Variants in ENPP2 observed in about 807,000 individuals in gnomAD.
ENPP2 encodes the protein ectonucleotide pyrophosphatase/phosphodiesterase 2.
ENPP2 carries 51 observed loss-of-function variants against 120.2 expected under a neutral mutation model. The ratio of observed to expected loss-of-function variants is 0.42; its 90% CI spans 0.34 to 0.54. The LOEUF (loss-of-function observed/expected upper bound fraction) is 0.54. Among genes scored for constraint, ENPP2 ranks in the 20% least tolerant of loss-of-function variants. ENPP2 has a pLI of 0.04. For synonymous variants in ENPP2, 365 were observed against 366.4 expected, an observed-to-expected ratio of 1.00 and a Z score of 0.04; for missense variants, 920 against 1,066.5, an observed-to-expected ratio of 0.86 and a Z score of 1.91.
chr8:119,642,092 A>G (rs1817301731), upstream of ENPP2, among the ~76,000 whole-genome samples: 1 of 152,152 alleles, frequency 6.6e-6, no homozygotes, highest in Non-Finnish European at 1.5e-5. Flanking sequence ...TCTATTTATA[A>G]CTGGATGATG....
At chr8:119,623,636 GT>G (rs1183382410) in intron 3 of ENPP2, among the ~76,000 whole-genome samples, 1 of 151,560 alleles carries the variant, frequency 6.6e-6, no homozygotes, top group Non-Finnish European at 1.5e-5. Flanking sequence ...GTTTTGTTTT[GT>G]TTTTTTGAGA....
At chr8:119,626,820 T>A in intron 2 of ENPP2, 100 bp from the exon 3 acceptor site, 4 of 1,088,846 alleles carry the variant, frequency 3.7e-6, no homozygotes, top group Non-Finnish European at 5.5e-6. Context: ...TGCAGTGGAC[T>A]CTGGAGGAGA....
intron 16 of ENPP2, 46 bp from the exon 17 acceptor site, chr8:119,583,850 A>T (rs772710238): frequency 7.1e-7 from 1 of 1,414,462 alleles, no homozygotes; most frequent in South Asian, 1.2e-5. Flanking sequence ...ATTGTTAGGT[A>T]GGAACCCTTC....
chr8:119,611,387 A>C (rs543108146), intron 8 of ENPP2, among the ~76,000 whole-genome samples: 1 of 152,284 alleles, frequency 6.6e-6, no homozygotes, highest in South Asian at 2.1e-4. Flanking sequence ...TCAATCGCTG[A>C]GAATCAGAAC....
At chr8:119,563,686 CTTAAT>C (rs1814157982) in intron 23 of ENPP2, among the ~76,000 whole-genome samples, 1 of 152,034 alleles carries the variant, frequency 6.6e-6, no homozygotes, top group African/African-American at 2.4e-5. Context: ...TTTCTATTAT[CTTAAT>C]TTTATTCATT....
At chr8:119,662,016 G>A (rs1231818695) in intron 1 of ENPP2, among the ~76,000 whole-genome samples, 4 of 152,058 alleles carry the variant, frequency 2.6e-5, no homozygotes, top group African/African-American at 4.8e-5. Flanking sequence ...AGAGCCTAGG[G>A]GTGGGAGAAA....
intron 5 of ENPP2, among the ~76,000 whole-genome samples, chr8:119,618,929 A>G (rs1305682385): frequency 3.3e-5 from 5 of 152,072 alleles, no homozygotes; most frequent in African/African-American, 4.8e-5. Flanking sequence ...TCCAGGAAAA[A>G]CAATACTGAA....
At position 119,585,927 on chromosome 8, in the gene ENPP2, GACACACAC is replaced by G. The variant is rs34249912; in HGVS notation, c.1367+251_1367+258del. 9.3e-3 allele frequency among the ~76,000 whole-genome samples: 1,355 copies of G among 146,322 alleles called. 19 individuals are homozygous for G. The highest frequency in any genetic ancestry group is 0.031 in the African/African-American group (1,260 of 40,098). On this transcript the variant is annotated intron_variant, in intron 15 of 24. Transcript: ENST00000075322. ...GAATGTAAATTCAAAGGATGAAAGAGACACACACACACACACACACACACACACACACA... is the reference window on the plus strand; with the variant it reads ...GAATGTAAATTCAAAGGATGAAAGAGACACACACACACACACACACACACA...
chr8:119,658,278 G>C (rs1370991292), intron 1 of ENPP2, among the ~76,000 whole-genome samples: 1 of 152,150 alleles, frequency 6.6e-6, no homozygotes, highest in African/African-American at 2.4e-5. Context: ...TTCTGTTTTT[G>C]TTGTTCTTTT....
chr8:119,630,003 G>A (rs191154327), intron 2 of ENPP2, among the ~76,000 whole-genome samples: 13 of 152,248 alleles, frequency 8.5e-5, no homozygotes, highest in Admixed American at 7.9e-4. Context: ...ACTTCAAAGA[G>A]ATCTAAAGGC....
intron 2 of ENPP2, among the ~76,000 whole-genome samples, chr8:119,631,573 T>A (rs1018792890): frequency 6.6e-6 from 1 of 151,982 alleles, no homozygotes; most frequent in African/African-American, 2.4e-5. Flanking sequence ...TGCCACACAC[T>A]CCTGTGTGCA....
At chr8:119,634,588 T>A (rs1457207114) in intron 2 of ENPP2, among the ~76,000 whole-genome samples, 1 of 152,210 alleles carries the variant, frequency 6.6e-6, no homozygotes, top group African/African-American at 2.4e-5. Context: ...TTATCCCCAT[T>A]TTCCTGGTTG....
At chr8:119,601,571 A>T (rs1814311318) in intron 9 of ENPP2, 109 bp from the exon 10 acceptor site, 4 of 730,910 alleles carry the variant, frequency 5.5e-6, no homozygotes, top group Non-Finnish European at 9.6e-6. Flanking sequence ...ATTTACCACC[A>T]TCTGTTTTCA....
At chr8:119,612,209 G>C (rs1417317507) in intron 8 of ENPP2, among the ~76,000 whole-genome samples, 1 of 152,132 alleles carries the variant, frequency 6.6e-6, no homozygotes, top group Non-Finnish European at 1.5e-5. Context: ...AAGGCACCAG[G>C]TTAGCAGAGC....
chr8:119,651,993 G>A (rs1817640046), intron 1 of ENPP2, among the ~76,000 whole-genome samples: 1 of 152,124 alleles, frequency 6.6e-6, no homozygotes, highest in South Asian at 2.1e-4. Context: ...GTTTTAATTG[G>A]GAGATGGTAA....
At chr8:119,563,637 G>A (rs1814154009) in intron 23 of ENPP2, among the ~76,000 whole-genome samples, 3 of 152,122 alleles carry the variant, frequency 2.0e-5, no homozygotes, top group Middle Eastern at 3.2e-3. Flanking sequence ...ATATTTTCCT[G>A]TAGAGATCAG....
At chr8:119,591,506 A>T (rs1469356193) in intron 12 of ENPP2, among the ~76,000 whole-genome samples, 1 of 152,214 alleles carries the variant, frequency 6.6e-6, no homozygotes, top group Non-Finnish European at 1.5e-5. Flanking sequence ...AATGTATGAG[A>T]TGACCTGGAA....
At chr8:119,570,637 A>C (rs1156727832) in intron 20 of ENPP2, 68 bp downstream of exon 20, 3 of 822,502 alleles carry the variant, frequency 3.6e-6, no homozygotes, top group Non-Finnish European at 5.5e-6. Flanking sequence ...CTGTTAAGCA[A>C]GGAATCATTG....
At chr8:119,601,097 G>T (rs72688227) in intron 10 of ENPP2, among the ~76,000 whole-genome samples, 1 of 152,148 alleles carries the variant, frequency 6.6e-6, no homozygotes, top group South Asian at 2.1e-4. Context: ...ACAGAGAAGC[G>T]TCTCTCTTTA....
Sources: gnomAD v4.1 joint callset for allele counts (sites outside exome capture counted in the v4.1 genomes callset) on GRCh38, gnomAD v4.1.1 for gene constraint, MANE v1.5 for transcripts, NCBI Gene and HGNC (gene_info 2026-07-23, HGNC 2026-07-21) for gene names.